Variants in GRM3 observed in about 807,000 individuals in gnomAD.
GRM3 encodes the protein glutamate metabotropic receptor 3, also known as metabotropic glutamate receptor 3.
GRM3 carries 26 observed loss-of-function variants against 70.5 expected under a neutral mutation model. The observed-to-expected ratio is 0.37, with a 90% CI of 0.27 to 0.51. The LOEUF (loss-of-function observed/expected upper bound fraction) is 0.51. Among genes scored for constraint, GRM3 ranks in the 20% least tolerant of loss-of-function variants. The pLI, the probability that GRM3 is intolerant of heterozygous loss-of-function variation, is 0.93. For missense variants in GRM3, 859 were observed against 1,123.8 expected, an observed-to-expected ratio of 0.76 and a Z score of 3.37; for synonymous variants, 443 against 434.9, an observed-to-expected ratio of 1.02 and a Z score of -0.23.
At chr7:86,661,222 ATGCT>A (rs1793885262) in intron 1 of GRM3, among the ~76,000 whole-genome samples, 1 of 152,102 alleles carries the variant, frequency 6.6e-6, no homozygotes, top group Non-Finnish European at 1.5e-5. Flanking sequence ...GATTTGCTTA[ATGCT>A]TTTTGAAAGA....
chr7:86,686,648 G>C (rs1425583366), intron 1 of GRM3, among the ~76,000 whole-genome samples: 1 of 152,058 alleles, frequency 6.6e-6, no homozygotes, highest in African/African-American at 2.4e-5. Context: ...AAAAGATCAA[G>C]ATAAAGCATT....
chr7:86,819,241 T>C (rs1272605272), intron 3 of GRM3, among the ~76,000 whole-genome samples: 1 of 152,116 alleles, frequency 6.6e-6, no homozygotes, highest in Non-Finnish European at 1.5e-5. Context: ...TGGTAAGCCA[T>C]AAATCTATGG....
intron 2 of GRM3, among the ~76,000 whole-genome samples, chr7:86,766,096 T>G (rs957092695): frequency 6.6e-6 from 1 of 152,084 alleles, no homozygotes; most frequent in African/African-American, 2.4e-5. Context: ...GACATCCCAT[T>G]AGCAAAAGCA....
chr7:86,667,744 G>C (rs1794062714), intron 1 of GRM3, among the ~76,000 whole-genome samples: 1 of 152,110 alleles, frequency 6.6e-6, no homozygotes, highest in African/African-American at 2.4e-5. Flanking sequence ...AGGAAATTTT[G>C]AAGAAACATT....
At chr7:86,651,248 T>A (rs1484704542) in intron 1 of GRM3, among the ~76,000 whole-genome samples, 1 of 152,224 alleles carries the variant, frequency 6.6e-6, no homozygotes, top group Non-Finnish European at 1.5e-5. Context: ...TACTTGAGGG[T>A]CTTTCTCTGA....
At chr7:86,831,889 G>T (rs759145887) in intron 3 of GRM3, among the ~76,000 whole-genome samples, 1 of 150,082 alleles carries the variant, frequency 6.7e-6, no homozygotes, top group Non-Finnish European at 1.5e-5. Context: ...TTTTCCACAC[G>T]TAAGACTGAG....
chr7:86,837,906 T>C (rs1407949036), intron 3 of GRM3, among the ~76,000 whole-genome samples: 3 of 152,128 alleles, frequency 2.0e-5, no homozygotes, highest in Admixed American at 6.5e-5. Context: ...GGCAGTGAAA[T>C]AGAAGCACAC....
Position 86,771,125 on chromosome 7 carries a change from T to C in GRM3, c.468+5512T>C, listed in dbSNP as rs536703507. Among the ~76,000 whole-genome samples the C allele has an allele frequency of 3.3e-5, 5 of 152,226 alleles. No individual in the cohort carries two copies. In the South Asian group the frequency reaches 8.3e-4, roughly 25 times the overall value. On this transcript the variant is annotated intron_variant, in intron 2 of 5. Coordinates refer to ENST00000361669, the MANE Select transcript of GRM3 (RefSeq NM_000840.3). ...GGAAATAGCCTGGAAGGAGAGGGGT[T>C]GAAGGAAGTGAGTTCTCTGTTTCTG...
At chr7:86,802,546 A>G (rs1372353605) in intron 3 of GRM3, among the ~76,000 whole-genome samples, 1 of 152,088 alleles carries the variant, frequency 6.6e-6, no homozygotes, top group African/African-American at 2.4e-5. Flanking sequence ...AGATTGCGCC[A>G]GATCAATATT....
intron 1 of GRM3, among the ~76,000 whole-genome samples, chr7:86,663,506 C>T (rs939078722): frequency 2.6e-5 from 4 of 151,936 alleles, no homozygotes; most frequent in African/African-American, 9.7e-5. Flanking sequence ...ATAGTGAGTA[C>T]TAATTTGTGT....
intron 1 of GRM3, among the ~76,000 whole-genome samples, chr7:86,764,308 G>T (rs1183729372): frequency 4.6e-5 from 7 of 152,104 alleles, no homozygotes; most frequent in Admixed American, 4.6e-4. Flanking sequence ...AGAAACCTAG[G>T]AAGTTGTAAT....
chr7:86,853,375 A>C (rs987567125), intron 5 of GRM3, among the ~76,000 whole-genome samples: 4 of 152,176 alleles, frequency 2.6e-5, no homozygotes, highest in Non-Finnish European at 5.9e-5. Context: ...TTACTGACCC[A>C]CTTTGGTAGA....
rs2237549 is a variant in GRM3 at position 86,736,549 on chromosome 7, G to C, written c.-140-28457G>C. ...TGGAGTGCCACTTGTGTATTTTTAAGGGAAACGTAGCAATTCTTCAGGCAT... is the reference window on the plus strand; with the variant it reads ...TGGAGTGCCACTTGTGTATTTTTAACGGAAACGTAGCAATTCTTCAGGCAT... On this transcript the variant is annotated intron_variant, in intron 1 of 5. Transcript: ENST00000361669. Among the ~76,000 whole-genome samples the C allele has an allele frequency of 4.4e-3, 670 of 152,234 alleles. 19 individuals are homozygous for C. Among genetic ancestry groups the C allele is most frequent in the East Asian group, 0.043 (222 of 5,172 alleles).
intron 1 of GRM3, among the ~76,000 whole-genome samples, chr7:86,692,249 CCT>C (rs2077813091): frequency 6.6e-6 from 1 of 152,192 alleles, no homozygotes; most frequent in Non-Finnish European, 1.5e-5. Context: ...AGTTTCTAAT[CCT>C]CTGTTTTCAA....
rs758715310 is a variant in GRM3, at chr7:86,765,243, T to C, written c.98T>C (p.Ile33Thr). ...LGDHNFLRRE[I>T]KIEGDLVLGG... is the part of the protein sequence containing the mutation. ...GACCATAACTTTCTAAGGAGAGAGA[T>C]TAAAATAGAAGGTGACCTTGTTTTA... is the stretch of plus-strand genomic sequence containing the variant. Residue 33 changes from isoleucine (I) to threonine (T), a missense_variant, in exon 2 of 6, where the codon ATT becomes ACT. Coordinates refer to ENST00000361669, the MANE Select transcript of GRM3 (RefSeq NM_000840.3). 3.1e-6 allele frequency: 5 copies of C among 1,613,772 alleles called. No homozygotes were observed. The highest frequency in any genetic ancestry group is 3.4e-6 in the Non-Finnish European group (4 of 1,179,824).
chr7:86,716,531 TTATCCACAAGG>T (rs1468351881), intron 1 of GRM3, among the ~76,000 whole-genome samples: 2 of 151,792 alleles, frequency 1.3e-5, no homozygotes, highest in Non-Finnish European at 2.9e-5. Flanking sequence ...CCTAATATCC[TTATCCACAAGG>T]TATCCACAAG....
chr7:86,746,494 A>G (rs1239288909), intron 1 of GRM3, among the ~76,000 whole-genome samples: 1 of 151,078 alleles, frequency 6.6e-6, no homozygotes, highest in Non-Finnish European at 1.5e-5. Flanking sequence ...AATGAAAAAA[A>G]AAATGTGCAA....
chr7:86,713,560 C>G (rs1303678864), intron 1 of GRM3, among the ~76,000 whole-genome samples: 3 of 151,910 alleles, frequency 2.0e-5, no homozygotes, highest in Non-Finnish European at 2.9e-5. Flanking sequence ...CCTCCAGGCC[C>G]CTCCCTACCC....
chr7:86,855,857 T>C (rs1023215261), intron 5 of GRM3, among the ~76,000 whole-genome samples: 2 of 152,178 alleles, frequency 1.3e-5, no homozygotes, highest in African/African-American at 2.4e-5. Context: ...ATGCCCAAGC[T>C]TCTTCTCTAT....
Sources: gnomAD v4.1 joint callset for allele counts (sites outside exome capture counted in the v4.1 genomes callset) on GRCh38, gnomAD v4.1.1 for gene constraint, MANE v1.5 for transcripts, NCBI Gene and HGNC (gene_info 2026-07-23, HGNC 2026-07-21) for gene names.